TBL1X: variants seen among roughly 807,000 people sequenced by gnomAD.
The protein encoded by TBL1X is transducin beta like 1 X-linked.
A neutral mutation model predicts 50.7 loss-of-function variants in TBL1X; 10 were observed. The ratio of observed to expected loss-of-function variants is 0.20; its 90% CI spans 0.12 to 0.33. TBL1X has a LOEUF of 0.33. Ranked by LOEUF, TBL1X falls within the 10% of genes least tolerant of loss-of-function variation. TBL1X has a pLI of 1.00. For missense variants in TBL1X, 340 were observed against 504.4 expected, an observed-to-expected ratio of 0.67 and a Z score of 3.12; for synonymous variants, 190 against 214.7, an observed-to-expected ratio of 0.88 and a Z score of 1.01.
chrX:9,484,296 C>T (rs1185827460), intron 1 of TBL1X, among the ~76,000 whole-genome samples: 3 of 109,829 alleles, frequency 2.7e-5, no homozygotes, highest in African/African-American at 1.0e-4. Context: ...TGTGAGCCAC[C>T]GTGCCTGGCT....
intron 9 of TBL1X, among the ~76,000 whole-genome samples, chrX:9,692,604 C>T (rs1276902058): frequency 8.9e-6 from 1 of 112,377 alleles, no homozygotes; most frequent in Non-Finnish European, 1.9e-5. Flanking sequence ...GATGGGGTTT[C>T]ACCATGTCGG....
chrX:9,487,381 C>T (rs2081918998), intron 1 of TBL1X, among the ~76,000 whole-genome samples: 1 of 111,090 alleles, frequency 9.0e-6, no homozygotes, highest in Non-Finnish European at 1.9e-5. Context: ...CTGGACATTT[C>T]ATAGATACAG....
At chrX:9,557,965 G>A (rs1025016461) in intron 2 of TBL1X, among the ~76,000 whole-genome samples, 4 of 112,363 alleles carry the variant, frequency 3.6e-5, no homozygotes, top group Admixed American at 9.4e-5. Flanking sequence ...TGTTTTGTAA[G>A]TATTTCTCCG....
At chrX:9,612,503 G>A (rs2082618812) in intron 2 of TBL1X, among the ~76,000 whole-genome samples, 2 of 111,908 alleles carry the variant, frequency 1.8e-5, no homozygotes, top group Non-Finnish European at 1.9e-5. Context: ...AATTATTATT[G>A]TAATACCTAT....
intron 2 of TBL1X, among the ~76,000 whole-genome samples, chrX:9,565,551 A>G (rs1222810811): frequency 9.0e-6 from 1 of 111,256 alleles, no homozygotes; most frequent in African/African-American, 3.3e-5. Context: ...AAGTCTGGCC[A>G]GGCATGGTGG....
At chrX:9,664,632 A>G (rs2082916741) in intron 5 of TBL1X, among the ~76,000 whole-genome samples, 1 of 111,845 alleles carries the variant, frequency 8.9e-6, no homozygotes, top group Non-Finnish European at 1.9e-5. Flanking sequence ...ATGCTTTTAC[A>G]ATATCCACTT....
intron 5 of TBL1X, among the ~76,000 whole-genome samples, chrX:9,657,606 G>A (rs1385716024): frequency 8.9e-6 from 1 of 112,761 alleles, no homozygotes; most frequent in Non-Finnish European, 1.9e-5. Context: ...ACAACAGGCA[G>A]AAGTCAGGTC....
chrX:9,679,457 T>C (rs2083013184), intron 5 of TBL1X, among the ~76,000 whole-genome samples: 1 of 111,636 alleles, frequency 9.0e-6, no homozygotes, highest in Admixed American at 9.5e-5. Flanking sequence ...GTGGCAAGCC[T>C]AGCGTCTTCA....
intron 7 of TBL1X, 144 bp from the exon 8 acceptor site, chrX:9,691,435 C>CA (rs367934787): frequency 0.097 from 32,374 of 333,514 alleles, 114 homozygotes; most frequent in African/African-American, 0.18. Flanking sequence ...GATTCCGTCT[C>CA]AAAAAAAAAA....
intron 2 of TBL1X, among the ~76,000 whole-genome samples, chrX:9,633,910 T>C (rs1194491714): frequency 9.0e-6 from 1 of 111,434 alleles, no homozygotes; most frequent in Non-Finnish European, 1.9e-5. Context: ...GACAAGTCCA[T>C]TAGCAGTAAG....
In TBL1X at chrX:9,653,675, G is replaced by A. The variant is rs41311813; in HGVS notation, c.89G>A (p.Arg30His). The A allele has an allele frequency of 1.6e-3, 1,813 of 1,168,882 alleles. 13 individuals carry two copies. The highest frequency in any genetic ancestry group is 9.1e-4 in the Non-Finnish European group (799 of 873,998). The change falls in exon 4 of 18, where the codon CGT becomes CAT. Residue 30 changes from arginine to histidine, a missense_variant. Physicochemically the swap from Arg to His is conservative, Grantham distance 29 (BLOSUM62 0). Transcript: ENST00000645353. ...AMQSVLHHFQ[R>H]LRGREGGSHF... ...CAGTCAGTCTTGCACCACTTTCAAC[G>A]TTTGCGAGGGAGAGGTACTGCGGTT...
chrX:9,559,813 A>G (rs1053681028), intron 2 of TBL1X, among the ~76,000 whole-genome samples: 2 of 110,226 alleles, frequency 1.8e-5, no homozygotes, highest in Non-Finnish European at 3.8e-5. Context: ...TATTTGAAGT[A>G]AAAGTTCTTA....
intron 5 of TBL1X, among the ~76,000 whole-genome samples, chrX:9,666,633 A>G (rs2082932531): frequency 9.0e-6 from 1 of 111,691 alleles, no homozygotes; most frequent in Non-Finnish European, 1.9e-5. Context: ...ATTTTTAATA[A>G]TTGTTTGACT....
rs761470531 is a variant in TBL1X at position 9,493,623 on chromosome X, C to T, written c.-200-8157C>T. Among the ~76,000 whole-genome samples the T allele has an allele frequency of 9.1e-5, 10 of 110,389 alleles. No individual in the cohort carries two copies. The South Asian group carries it at 3.1e-3, about 35-fold the overall frequency. ...CTAAAAATACAGAAAATTAGCCAGG[C>T]GTGGTGGTATGTTCCTGGTCCCAGC... On this transcript the variant is annotated intron_variant, in intron 1 of 17. Coordinates refer to ENST00000645353, the MANE Select transcript of TBL1X (RefSeq NM_005647.4).
chrX:9,653,732 T>C (rs1291191770), intron 4 of TBL1X, 43 bp downstream of exon 4: 1 of 1,111,962 alleles, frequency 9.0e-7, no homozygotes. Flanking sequence ...TGGTCACTCT[T>C]TGGGGGTGTT....
At chrX:9,542,700 CCT>C (rs1167771818) in intron 2 of TBL1X, among the ~76,000 whole-genome samples, 1 of 111,967 alleles carries the variant, frequency 8.9e-6, no homozygotes, top group East Asian at 2.8e-4. Flanking sequence ...AAACTGGGAC[CCT>C]GTTAGGTAGG....
intron 2 of TBL1X, among the ~76,000 whole-genome samples, chrX:9,511,203 A>G (rs183232844): frequency 3.3e-4 from 37 of 112,592 alleles, no homozygotes; most frequent in African/African-American, 1.2e-3. Context: ...GGGAGTTAAA[A>G]CAGAGAAACT....
intron 16 of TBL1X, among the ~76,000 whole-genome samples, chrX:9,712,763 CCA>C (rs2146661929): frequency 8.9e-6 from 1 of 111,737 alleles, no homozygotes; most frequent in African/African-American, 3.3e-5. Flanking sequence ...GTATCTTGGG[CCA>C]CACCTGAGGA....
At chrX:9,699,897 G>A (rs545830330) in intron 12 of TBL1X, among the ~76,000 whole-genome samples, 2 of 111,589 alleles carry the variant, frequency 1.8e-5, no homozygotes, top group South Asian at 3.8e-4. Flanking sequence ...TGTTACTGGT[G>A]TTGCTTTAAT....
Sources: gnomAD v4.1 joint callset for allele counts (sites outside exome capture counted in the v4.1 genomes callset) on GRCh38, gnomAD v4.1.1 for gene constraint, MANE v1.5 for transcripts, NCBI Gene and HGNC (gene_info 2026-07-23, HGNC 2026-07-21) for gene names.